NME1: variants seen among roughly 807,000 people sequenced by gnomAD.
NME1 encodes the protein NME/NM23 nucleoside diphosphate kinase 1, also known as nucleoside diphosphate kinase A.
In NME1, 9 loss-of-function variants were observed where a neutral mutation model predicts 17.2. The observed-to-expected ratio is 0.52, with a 90% CI of 0.32 to 0.92. The LOEUF (loss-of-function observed/expected upper bound fraction) is 0.92. NME1 is among the 40% of genes least tolerant of loss of function. The pLI is 0.04. For missense variants in NME1, 169 were observed against 201.7 expected, an observed-to-expected ratio of 0.84 and a Z score of 0.98; for synonymous variants, 72 against 70.8, an observed-to-expected ratio of 1.02 and a Z score of -0.09.
intron 1 of NME1, among the ~76,000 whole-genome samples, chr17:51,155,105 G>A (rs756724706): frequency 6.6e-6 from 1 of 151,374 alleles, no homozygotes; most frequent in Non-Finnish European, 1.5e-5. Flanking sequence ...TTAGCTGGGT[G>A]TGGTGGCACG....
intron 4 of NME1, chr17:51,161,488 C>A: frequency 1.5e-6 from 1 of 668,124 alleles, no homozygotes; most frequent in Non-Finnish European, 2.6e-6. Context: ...GTACAACACA[C>A]TTTGCTGGCC....
intron 2 of NME1, among the ~76,000 whole-genome samples, chr17:51,157,781 G>C (rs78801649): frequency 0.019 from 2,854 of 152,200 alleles, 100 homozygotes; most frequent in African/African-American, 0.065. Flanking sequence ...GAGTCTCTCT[G>C]ACCCCTGAGT....
intron 2 of NME1, chr17:51,156,163 A>G: frequency 3.1e-6 from 1 of 324,262 alleles, no homozygotes; most frequent in Non-Finnish European, 6.0e-6. Context: ...TTTTAGCAAG[A>G]AAGTCTTTCC....
chr17:51,154,157 C>CTTTTTT lies in NME1; in HGVS notation c.-5+496_-5+497insTTTTTT. 4 of 531,716 alleles carry CTTTTTT rather than the reference C, an allele frequency of 7.5e-6. 1 individual carries two copies. Among genetic ancestry groups the CTTTTTT allele is most frequent in the African/African-American group, 3.9e-5 (2 of 51,278 alleles). 32.9% of individuals were successfully genotyped at this position (531,716 alleles called of 1,614,324 possible). A position where few individuals can be genotyped will look rare whatever the true frequency, so the allele number is the denominator to read the frequency against. Reference sequence around the variant, plus strand: ...CGCAGTCTTTGGGCTTTGTCTCTCTCTCTTTTTTTTTTTTTGGAAGTTGCA... The same window carrying CTTTTTT: ...CGCAGTCTTTGGGCTTTGTCTCTCTCTTTTTTTCTTTTTTTTTTTTTGGAAGTTGCA... On this transcript the variant is annotated intron_variant, in intron 1 of 4. Transcript: ENST00000393196.
intron 4 of NME1, 103 bp from the exon 5 acceptor site, chr17:51,161,625 A>C: frequency 1.1e-6 from 1 of 914,802 alleles, no homozygotes; most frequent in East Asian, 2.4e-5. Context: ...TCTAATGTCC[A>C]TGGAGCTTCA....
At chr17:51,157,593 T>G (rs1195045097) in intron 2 of NME1, among the ~76,000 whole-genome samples, 1 of 152,174 alleles carries the variant, frequency 6.6e-6, no homozygotes. Flanking sequence ...GATGGATGTG[T>G]TGTTGATCAG....
At chr17:51,154,391 T>C (rs1275728438) in intron 1 of NME1, 2 of 1,613,970 alleles carry the variant, frequency 1.2e-6, no homozygotes, top group African/African-American at 1.3e-5. Context: ...TACTGTCTAC[T>C]TTAGGGATCG....
chr17:51,155,504 T>G (rs2049772604), intron 1 of NME1, 147 bp from the exon 2 acceptor site: 1 of 1,061,746 alleles, frequency 9.4e-7, no homozygotes. Flanking sequence ...ATCAGGGGAC[T>G]GGGGAGGAAT....
At chr17:51,154,529 G>T (rs965658691) in intron 1 of NME1, 2 of 1,141,702 alleles carry the variant, frequency 1.8e-6, no homozygotes, top group Non-Finnish European at 2.7e-6. Flanking sequence ...ATGATGTCCC[G>T]TATCAGATAT....
chr17:51,156,366 C>G (rs2049786001), intron 2 of NME1: 1 of 164,876 alleles, frequency 6.1e-6, no homozygotes, highest in Non-Finnish European at 1.3e-5. Context: ...AATAACCCTT[C>G]TTCAAACAAA....
At chr17:51,156,094 T>C in intron 2 of NME1, 1 of 351,404 alleles carries the variant, frequency 2.8e-6, no homozygotes, top group South Asian at 2.3e-5. Context: ...TTCTTGGTCT[T>C]GAGCTTCCTG....
intron 2 of NME1, among the ~76,000 whole-genome samples, chr17:51,157,952 A>G (rs1223290976): frequency 6.6e-6 from 1 of 152,126 alleles, no homozygotes; most frequent in Non-Finnish European, 1.5e-5. Flanking sequence ...CCAAGCCCTT[A>G]AAAAAAGCCC....
At chr17:51,158,401 T>C (rs113223088) in intron 2 of NME1, among the ~76,000 whole-genome samples, 1 of 151,056 alleles carries the variant, frequency 6.6e-6, no homozygotes, top group African/African-American at 2.4e-5. Context: ...GATCATGCCA[T>C]TGCACTCCAG....
chr17:51,161,898 G>A lies in NME1; in HGVS notation c.*53G>A. The A allele has an allele frequency of 8.9e-7, 1 of 1,128,852 alleles. No individual in the cohort carries two copies. Among genetic ancestry groups the A allele is most frequent in the Non-Finnish European group, 1.4e-6 (1 of 739,132 alleles). 69.9% of individuals were successfully genotyped at this position (1,128,852 alleles called of 1,614,324 possible). A position where few individuals can be genotyped will look rare whatever the true frequency, so the allele number is the denominator to read the frequency against. ...CATCCATTTCCCCTCCTTCCCATGG[G>A]CAGAGGACCAGGCTGTAGGAAATCT... On this transcript the variant is annotated 3_prime_UTR_variant, in exon 5 of 5. Coordinates refer to ENST00000393196, the MANE Select transcript of NME1 (RefSeq NM_000269.3).
chr17:51,154,293 C>G, intron 1 of NME1: 7 of 1,322,832 alleles, frequency 5.3e-6, no homozygotes, highest in Non-Finnish European at 7.7e-6. Flanking sequence ...GGGAGGCAGA[C>G]ACACAAACAG....
At position 51,162,040 on chromosome 17, in the gene NME1, A is replaced by G. The variant is rs1000931976; in HGVS notation, c.*195A>G. On this transcript the variant is annotated 3_prime_UTR_variant, in exon 5 of 5. Coordinates refer to ENST00000393196, the MANE Select transcript of NME1 (RefSeq NM_000269.3). ...TTAAAATGCTTCCTCCCAGCATAGG[A>G]TTCATTGAGTTGGTTACTTCATATT... The G allele has an allele frequency of 1.1e-5, 6 of 568,898 alleles. No individual in the cohort carries two copies. The highest frequency in any genetic ancestry group is 1.9e-5 in the Non-Finnish European group (6 of 316,758). 35.2% of individuals were successfully genotyped at this position (568,898 alleles called of 1,614,324 possible).
intron 1 of NME1, chr17:51,154,452 A>G (rs2049755351): frequency 6.2e-7 from 1 of 1,613,426 alleles, no homozygotes; most frequent in South Asian, 1.1e-5. Flanking sequence ...AGGGTAGGTC[A>G]TGAGCGCAGT....
At chr17:51,157,539 G>A (rs1037540245) in intron 2 of NME1, among the ~76,000 whole-genome samples, 2 of 152,180 alleles carry the variant, frequency 1.3e-5, no homozygotes, top group African/African-American at 2.4e-5. Flanking sequence ...TCCAACATAC[G>A]AACTTTGGGG....
In NME1 at chr17:51,161,940, TTCA is replaced by T; in HGVS notation, c.*100_*102del. The T allele has an allele frequency of 2.4e-6, 2 of 843,176 alleles. No individual in the cohort carries two copies. The highest frequency in any genetic ancestry group is 1.4e-5 in the South Asian group (1 of 73,496). 52.2% of individuals were successfully genotyped at this position (843,176 alleles called of 1,614,324 possible). On this transcript the variant is annotated 3_prime_UTR_variant, in exon 5 of 5. Transcript: ENST00000393196. ...AGGAAATCTAGTTATTTACAGGAAC[TTCA>T]TCATAATTTGGAGGGAAGCTCTTGG...
Sources: allele counts gnomAD v4.1 joint callset (sites outside exome capture counted in the v4.1 genomes callset), GRCh38; gene constraint gnomAD v4.1.1; transcripts MANE v1.5; gene names NCBI Gene and HGNC (gene_info 2026-07-23, HGNC 2026-07-21).